GPC3: variants seen among roughly 807,000 people sequenced by gnomAD.
GPC3 encodes glypican-3.
In GPC3, 3 loss-of-function variants were observed where a neutral mutation model predicts 34.4. The ratio of observed to expected loss-of-function variants is 0.09; its 90% CI spans 0.04 to 0.23. GPC3 has a LOEUF of 0.23. Among genes scored for constraint, GPC3 ranks in the 10% least tolerant of loss-of-function variants. GPC3 has a pLI of 1.00. For missense variants in GPC3, 351 were observed against 445.6 expected (o/e 0.79, Z 1.91); for synonymous variants, 177 against 174.0 (o/e 1.02, Z -0.13).
chrX:133,755,433 A>G (rs2071718168), intron 2 of GPC3, among the ~76,000 whole-genome samples: 1 of 112,261 alleles, frequency 8.9e-6, no homozygotes, highest in Non-Finnish European at 1.9e-5. Context: ...TCCCTCCCAG[A>G]GTAGAACATG....
chrX:133,550,772 A>G (rs1330580649), intron 7 of GPC3, among the ~76,000 whole-genome samples: 4 of 112,063 alleles, frequency 3.6e-5, no homozygotes, highest in African/African-American at 1.3e-4. Flanking sequence ...TGATCCATGA[A>G]GTCAAGAAAA....
At chrX:133,741,197 T>C (rs1481467860) in intron 3 of GPC3, among the ~76,000 whole-genome samples, 1 of 108,494 alleles carries the variant, frequency 9.2e-6, no homozygotes, top group Non-Finnish European at 1.9e-5. Context: ...AGAAAGCCCT[T>C]GCCAGAGACT....
chrX:133,984,866 G>A (rs2076559031), intron 1 of GPC3, among the ~76,000 whole-genome samples: 2 of 110,438 alleles, frequency 1.8e-5, no homozygotes, highest in Admixed American at 1.9e-4. Flanking sequence ...TGGAGCTGTG[G>A]TCCAGCTAAG....
At chrX:133,549,451 C>T (rs2124273800) in intron 7 of GPC3, among the ~76,000 whole-genome samples, 1 of 111,468 alleles carries the variant, frequency 9.0e-6, no homozygotes, top group South Asian at 3.8e-4. Flanking sequence ...CATGAGCCTC[C>T]CCAGCTCATC....
At chrX:133,926,700 A>C (rs1005963561) in intron 2 of GPC3, among the ~76,000 whole-genome samples, 33 of 112,302 alleles carry the variant, frequency 2.9e-4, no homozygotes, top group African/African-American at 1.0e-3. Context: ...CCTGACACAC[A>C]GTAAGTGCTC....
chrX:133,619,285 A>G (rs1365479556), intron 6 of GPC3, among the ~76,000 whole-genome samples: 4 of 112,418 alleles, frequency 3.6e-5, no homozygotes, highest in Non-Finnish European at 7.5e-5. Flanking sequence ...TGGTTCTTCA[A>G]TCAGATAAAC....
At chrX:133,922,179 C>A (rs757310414) in intron 2 of GPC3, among the ~76,000 whole-genome samples, 1 of 112,197 alleles carries the variant, frequency 8.9e-6, no homozygotes, top group Admixed American at 9.4e-5. Context: ...GCAAGTAGCT[C>A]AAGAAGAATG....
intron 2 of GPC3, among the ~76,000 whole-genome samples, chrX:133,824,858 C>CT (rs995757011): frequency 2.7e-5 from 3 of 111,700 alleles, no homozygotes; most frequent in Non-Finnish European, 5.7e-5. Context: ...ATTACTTTTT[C>CT]TTTTTTTTGA....
intron 1 of GPC3, among the ~76,000 whole-genome samples, chrX:133,973,734 G>A (rs1353023270): frequency 8.9e-6 from 1 of 112,331 alleles, no homozygotes; most frequent in Non-Finnish European, 1.9e-5. Flanking sequence ...GGAACCACAT[G>A]TTTCAGAGAC....
intron 2 of GPC3, among the ~76,000 whole-genome samples, chrX:133,828,954 A>C (rs1326108383): frequency 1.8e-5 from 2 of 112,071 alleles, no homozygotes; most frequent in Non-Finnish European, 3.8e-5. Flanking sequence ...TATTCCATAA[A>C]TATATACAAC....
rs1254303335 is a variant in GPC3, at chrX:133,842,649, C to T, written c.338-88473G>A. ...GGAGGAAAGAAGAGAACCAGGAGTG[C>T]GTGCCAGCCCAGAAATTACACTAGG... On this transcript the variant is annotated intron_variant, in intron 2 of 7. Transcript: ENST00000370818. Among the ~76,000 whole-genome samples, 6 of 110,438 alleles carry T rather than the reference C, an allele frequency of 5.4e-5. 1 individual carries two copies. Among genetic ancestry groups the T allele is most frequent in the East Asian group, 2.8e-4 (1 of 3,539 alleles).
intron 2 of GPC3, among the ~76,000 whole-genome samples, chrX:133,778,910 A>C (rs186956026): frequency 1.8e-5 from 2 of 112,188 alleles, no homozygotes; most frequent in Non-Finnish European, 3.8e-5. Context: ...TTCTGCCTTT[A>C]GTGTTTTTTT....
intron 2 of GPC3, among the ~76,000 whole-genome samples, chrX:133,781,570 T>C (rs2072044244): frequency 8.9e-6 from 1 of 112,261 alleles, no homozygotes; most frequent in African/African-American, 3.2e-5. Context: ...GAACTCCAGA[T>C]AGTTTGGCAG....
chrX:133,886,101 T>C (rs746632522), intron 2 of GPC3, among the ~76,000 whole-genome samples: 2 of 111,767 alleles, frequency 1.8e-5, no homozygotes, highest in African/African-American at 6.5e-5. Context: ...TTCATTCAAT[T>C]ATCTAATTGA....
intron 2 of GPC3, among the ~76,000 whole-genome samples, chrX:133,755,668 T>C (rs1317456249): frequency 1.8e-5 from 2 of 112,396 alleles, no homozygotes; most frequent in African/African-American, 3.2e-5. Flanking sequence ...TGTGTGTCCC[T>C]GGGGAAAAAA....
chrX:133,736,495 T>C (rs1248872218), intron 3 of GPC3, among the ~76,000 whole-genome samples: 2 of 111,954 alleles, frequency 1.8e-5, no homozygotes, highest in Non-Finnish European at 3.8e-5. Context: ...CAACTGATAA[T>C]AGACAAACAA....
intron 2 of GPC3, among the ~76,000 whole-genome samples, chrX:133,787,506 C>T (rs1164056299): frequency 8.9e-6 from 1 of 111,925 alleles, no homozygotes; most frequent in Admixed American, 9.5e-5. Flanking sequence ...ATGAAGAACC[C>T]CTAGGAATTC....
At chrX:133,834,242 G>A (rs2075789537) in intron 2 of GPC3, among the ~76,000 whole-genome samples, 1 of 111,653 alleles carries the variant, frequency 9.0e-6, no homozygotes, top group South Asian at 3.7e-4. Flanking sequence ...GGCAGATGCA[G>A]ACTGCACAAG....
chrX:133,891,799 CAAAAA>C (rs780717414), intron 2 of GPC3, among the ~76,000 whole-genome samples: 1 of 42,198 alleles, frequency 2.4e-5, no homozygotes. Flanking sequence ...GACCTTGTCT[CAAAAA>C]AAAAAAAAAA....
Sources: gnomAD v4.1 joint callset for allele counts (sites outside exome capture counted in the v4.1 genomes callset) on GRCh38, gnomAD v4.1.1 for gene constraint, MANE v1.5 for transcripts, NCBI Gene and HGNC (gene_info 2026-07-23, HGNC 2026-07-21) for gene names.